PLPP3: variants seen among roughly 807,000 people sequenced by gnomAD.
PLPP3 encodes the protein phospholipid phosphatase 3.
Under a neutral mutation model 29.6 loss-of-function variants are expected in PLPP3, and 6 were observed. That is an observed-to-expected ratio of 0.20 (90% CI 0.11 to 0.40). PLPP3 has a LOEUF of 0.40. PLPP3 is among the 10% of genes least tolerant of loss of function. PLPP3 has a pLI of 1.00. For synonymous variants in PLPP3, 152 were observed against 159.7 expected (o/e 0.95, Z 0.36); for missense variants, 308 against 407.7 (o/e 0.76, Z 2.11).
At chr1:56,555,440 A>AAAAAAAAAAC (rs1646068967) in intron 1 of PLPP3, among the ~76,000 whole-genome samples, 1 of 146,658 alleles carries the variant, frequency 6.8e-6, no homozygotes, top group Non-Finnish European at 1.5e-5. Flanking sequence ...CACTAAAAAA[A>AAAAAAAAAAC]AAAAAAAAAA....
At chr1:56,573,844 C>T (rs960993503) in intron 1 of PLPP3, among the ~76,000 whole-genome samples, 10 of 152,104 alleles carry the variant, frequency 6.6e-5, no homozygotes, top group Non-Finnish European at 1.3e-4. Context: ...CTTTCTAGCC[C>T]AAACAACTGC....
intron 4 of PLPP3, chr1:56,513,218 T>C (rs548488025): frequency 6.6e-6 from 1 of 152,492 alleles, no homozygotes; most frequent in Non-Finnish European, 1.5e-5. Flanking sequence ...CACCTCTAGC[T>C]GAAGCAAAGT....
chr1:56,536,808 AT>A (rs1645930055), intron 2 of PLPP3, 146 bp downstream of exon 2: 1 of 978,164 alleles, frequency 1.0e-6, no homozygotes, highest in Non-Finnish European at 1.5e-6. Context: ...TGTTCTCAGG[AT>A]TAACTACCTT....
intron 1 of PLPP3, among the ~76,000 whole-genome samples, chr1:56,555,783 T>C (rs1646072736): frequency 6.6e-6 from 1 of 152,176 alleles, no homozygotes; most frequent in South Asian, 2.1e-4. Flanking sequence ...CGCTGGGGAT[T>C]ACAGGTGTGA....
intron 5 of PLPP3, among the ~76,000 whole-genome samples, chr1:56,508,560 A>G (rs1285601688): frequency 6.6e-6 from 1 of 152,182 alleles, no homozygotes; most frequent in Non-Finnish European, 1.5e-5. Context: ...CTGTGTTTCA[A>G]AAACCATTCA....
rs139197883 is a variant in PLPP3, at chr1:56,496,870, G to A, written c.811-194C>T. Among the ~76,000 whole-genome samples, 259 of 152,290 alleles carry A rather than the reference G, an allele frequency of 1.7e-3. 1 individual carries two copies. The highest frequency in any genetic ancestry group is 5.5e-3 in the African/African-American group (228 of 41,552). ...ATAGGGAAACTGAGACCCGGGAAAA[G>A]GCAGTGACATGTCCCAGGTTGCACA... On this transcript the variant is annotated intron_variant, in intron 5 of 5. Transcript: ENST00000371250.
chr1:56,573,421 A>G (rs1646214289), intron 1 of PLPP3, among the ~76,000 whole-genome samples: 1 of 152,244 alleles, frequency 6.6e-6, no homozygotes, highest in South Asian at 2.1e-4. Context: ...CAACCTAACA[A>G]TGCAGAAAAT....
At chr1:56,555,665 T>C (rs1471896266) in intron 1 of PLPP3, among the ~76,000 whole-genome samples, 2 of 152,082 alleles carry the variant, frequency 1.3e-5, no homozygotes, top group East Asian at 1.9e-4. Context: ...AGGGCCATCA[T>C]GCTTGGCTAA....
chr1:56,517,576 G>T (rs1446384639), intron 4 of PLPP3, among the ~76,000 whole-genome samples: 1 of 152,180 alleles, frequency 6.6e-6, no homozygotes, highest in Non-Finnish European at 1.5e-5. Context: ...GCTAAAAGAA[G>T]CCACAGTACT....
At chr1:56,498,574 C>T (rs1485053848) in intron 5 of PLPP3, among the ~76,000 whole-genome samples, 3 of 152,028 alleles carry the variant, frequency 2.0e-5, no homozygotes, top group Admixed American at 6.6e-5. Flanking sequence ...AATTATCCTC[C>T]CCTTTATCCT....
chr1:56,553,407 C>A (rs1646053324), intron 1 of PLPP3, among the ~76,000 whole-genome samples: 2 of 152,112 alleles, frequency 1.3e-5, no homozygotes, highest in South Asian at 4.1e-4. Flanking sequence ...TCCTGCTAAC[C>A]CAGGTGTGAC....
intron 1 of PLPP3, among the ~76,000 whole-genome samples, chr1:56,542,248 T>TA (rs1410320042): frequency 6.6e-6 from 1 of 152,022 alleles, no homozygotes; most frequent in Non-Finnish European, 1.5e-5. Context: ...GGGTGGAGTG[T>TA]AAAAAAACAC....
At chr1:56,551,917 T>C (rs1302167314) in intron 1 of PLPP3, among the ~76,000 whole-genome samples, 1 of 152,178 alleles carries the variant, frequency 6.6e-6, no homozygotes, top group African/African-American at 2.4e-5. Flanking sequence ...TCCTAATCTA[T>C]TAAGGGACTG....
At chr1:56,505,003 GC>G in intron 5 of PLPP3, among the ~76,000 whole-genome samples, 1 of 152,246 alleles carries the variant, frequency 6.6e-6, no homozygotes, top group East Asian at 1.9e-4. Context: ...CACAGTAAGG[GC>G]AAGTCTTATT....
intron 1 of PLPP3, among the ~76,000 whole-genome samples, chr1:56,557,029 AG>A (rs1557513657): frequency 0.074 from 1,371 of 18,426 alleles, 134 homozygotes; most frequent in Admixed American, 0.12. Flanking sequence ...AGAGAGAAAG[AG>A]AGAGAGAGAG....
At chr1:56,569,501 C>T (rs1252029693) in intron 1 of PLPP3, among the ~76,000 whole-genome samples, 1 of 152,044 alleles carries the variant, frequency 6.6e-6, no homozygotes, top group African/African-American at 2.4e-5. Flanking sequence ...ATGGTGCAGC[C>T]ACTATGAAAA....
chr1:56,578,314 G>A (rs1176277710), intron 1 of PLPP3, among the ~76,000 whole-genome samples: 2 of 152,176 alleles, frequency 1.3e-5, no homozygotes, highest in African/African-American at 4.8e-5. Context: ...CTGAAGCCGT[G>A]CCCAGCACCA....
chr1:56,549,435 A>G (rs1646024472), intron 1 of PLPP3, among the ~76,000 whole-genome samples: 2 of 152,104 alleles, frequency 1.3e-5, no homozygotes, highest in Non-Finnish European at 1.5e-5. Context: ...GCCACCAACT[A>G]CCAGTTTGAT....
At chr1:56,523,769 G>T in intron 4 of PLPP3, 54 bp downstream of exon 4, 1 of 1,549,212 alleles carries the variant, frequency 6.5e-7, no homozygotes, top group South Asian at 1.1e-5. Flanking sequence ...TATCATATCA[G>T]AAGGGATCGA....
Sources: allele counts gnomAD v4.1 joint callset (sites outside exome capture counted in the v4.1 genomes callset), GRCh38; gene constraint gnomAD v4.1.1; transcripts MANE v1.5; gene names NCBI Gene and HGNC (gene_info 2026-07-23, HGNC 2026-07-21).